The following WWOX variants were observed in gnomAD, a reference collection of about 807,000 sequenced individuals.
The protein encoded by WWOX is WW domain-containing oxidoreductase.
In WWOX, 69 loss-of-function variants were observed where a neutral mutation model predicts 46.2. The observed-to-expected ratio is 1.49, with a 90% CI of 1.23 to 1.82. The LOEUF is 1.82. WWOX is among the 40% of genes most tolerant of loss of function. WWOX has a pLI of 0.00. For missense variants in WWOX, 919 were observed against 542.6 expected, an observed-to-expected ratio of 1.69 and a Z score of -6.89; for synonymous variants, 359 against 202.6, an observed-to-expected ratio of 1.77 and a Z score of -6.56.
chr16:78,379,352 C>A (rs1567536745), intron 5 of WWOX, among the ~76,000 whole-genome samples: 1 of 152,164 alleles, frequency 6.6e-6, no homozygotes, highest in Admixed American at 6.5e-5. Flanking sequence ...CTTCTCTCTG[C>A]AGTTGCACAT....
intron 8 of WWOX, among the ~76,000 whole-genome samples, chr16:78,710,653 C>G (rs2048425836): frequency 6.6e-6 from 1 of 150,398 alleles, no homozygotes; most frequent in South Asian, 2.1e-4. Flanking sequence ...CTTGCTCTGT[C>G]ACTCAGGCTG....
chr16:78,669,716 G>T (rs1034696065), intron 8 of WWOX, among the ~76,000 whole-genome samples: 7 of 152,136 alleles, frequency 4.6e-5, no homozygotes, highest in African/African-American at 1.4e-4. Context: ...CAGTTCATTG[G>T]ATAATTGCCT....
intron 8 of WWOX, among the ~76,000 whole-genome samples, chr16:78,565,415 C>G (rs955344928): frequency 1.3e-5 from 2 of 152,182 alleles, no homozygotes; most frequent in South Asian, 4.1e-4. Context: ...TTCCTTGGCT[C>G]TTGGCCCCTT....
At chr16:78,193,041 C>G (rs1870477966) in intron 5 of WWOX, among the ~76,000 whole-genome samples, 1 of 152,204 alleles carries the variant, frequency 6.6e-6, no homozygotes, top group African/African-American at 2.4e-5. Flanking sequence ...CTGGGCTCAG[C>G]TTCTCACAGC....
chr16:79,122,872 G>C (rs935868443), intron 8 of WWOX, among the ~76,000 whole-genome samples: 1 of 152,192 alleles, frequency 6.6e-6, no homozygotes, highest in South Asian at 2.1e-4. Flanking sequence ...ACTGAGGGCT[G>C]TTGTACTGAG....
intron 8 of WWOX, among the ~76,000 whole-genome samples, chr16:78,790,924 T>TG (rs2050580781): frequency 7.3e-6 from 1 of 136,172 alleles, no homozygotes; most frequent in Non-Finnish European, 1.5e-5. Context: ...GAGGCTGAGG[T>TG]GGGAGGATCA....
intron 8 of WWOX, among the ~76,000 whole-genome samples, chr16:78,480,344 C>T (rs746737961): frequency 1.2e-4 from 18 of 152,156 alleles, no homozygotes; most frequent in Non-Finnish European, 2.4e-4. Context: ...ACTTGGGTTC[C>T]GAGAGGAAAC....
At chr16:78,210,902 A>G (rs2036539458) in intron 5 of WWOX, among the ~76,000 whole-genome samples, 1 of 152,246 alleles carries the variant, frequency 6.6e-6, no homozygotes. Flanking sequence ...CAAATTTAGT[A>G]TATTTATAGT....
At chr16:78,783,327 G>A (rs985951065) in intron 8 of WWOX, among the ~76,000 whole-genome samples, 24 of 152,366 alleles carry the variant, frequency 1.6e-4, no homozygotes, top group Admixed American at 1.2e-3. Flanking sequence ...GCCATGGCCA[G>A]TGGAGACAGG....
At chr16:78,717,509 C>G (rs1325992354) in intron 8 of WWOX, among the ~76,000 whole-genome samples, 1 of 152,128 alleles carries the variant, frequency 6.6e-6, no homozygotes, top group African/African-American at 2.4e-5. Flanking sequence ...AGTATATGAA[C>G]TGTTGGAAGG....
At chr16:78,250,296 T>A (rs553097007) in intron 5 of WWOX, among the ~76,000 whole-genome samples, 1 of 152,336 alleles carries the variant, frequency 6.6e-6, no homozygotes, top group African/African-American at 2.4e-5. Context: ...TGGAGCTGGA[T>A]GGCCGGGGTT....
chr16:78,272,336 A>C (rs1043069285), intron 5 of WWOX, among the ~76,000 whole-genome samples: 1 of 152,168 alleles, frequency 6.6e-6, no homozygotes, highest in African/African-American at 2.4e-5. Context: ...AGAGCCCTAC[A>C]CATGGCCTTT....
At chr16:78,182,964 A>C (rs978901325) in intron 5 of WWOX, among the ~76,000 whole-genome samples, 1 of 145,780 alleles carries the variant, frequency 6.9e-6, no homozygotes, top group African/African-American at 2.6e-5. Flanking sequence ...AAAAAAAAAA[A>C]AAAGAAAGAA....
At chr16:78,506,021 C>A (rs1339204292) in intron 8 of WWOX, among the ~76,000 whole-genome samples, 1 of 152,228 alleles carries the variant, frequency 6.6e-6, no homozygotes, top group Non-Finnish European at 1.5e-5. Context: ...TCAGCCCCTT[C>A]CCGACCCTTG....
chr16:79,110,801 G>A (rs1172735929), intron 8 of WWOX: 2 of 152,186 alleles, frequency 1.3e-5, no homozygotes, highest in Non-Finnish European at 2.9e-5. Context: ...TTGAATCCCA[G>A]CTCTGCCTTT....
chr16:78,869,562 A>G (rs914489807), intron 8 of WWOX, among the ~76,000 whole-genome samples: 5 of 152,216 alleles, frequency 3.3e-5, no homozygotes, highest in Non-Finnish European at 7.3e-5. Flanking sequence ...GAAACAGCCG[A>G]TTGAAGTGCT....
intron 5 of WWOX, among the ~76,000 whole-genome samples, chr16:78,229,872 T>G (rs1214190523): frequency 2.0e-5 from 3 of 152,098 alleles, no homozygotes; most frequent in African/African-American, 7.2e-5. Context: ...TGTGTATAGT[T>G]CAACATCTTT....
intron 8 of WWOX, among the ~76,000 whole-genome samples, chr16:78,522,035 T>G (rs1319855999): frequency 1.3e-5 from 2 of 152,066 alleles, no homozygotes; most frequent in African/African-American, 2.4e-5. Flanking sequence ...TGAATCACTT[T>G]GTAGTAAGTG....
intron 8 of WWOX, among the ~76,000 whole-genome samples, chr16:78,740,019 C>G (rs989797758): frequency 1.3e-5 from 2 of 152,066 alleles, no homozygotes; most frequent in Non-Finnish European, 2.9e-5. Flanking sequence ...CTGTGGTGTG[C>G]CTCCTGCTGT....
Sources: gnomAD v4.1 joint callset for allele counts (sites outside exome capture counted in the v4.1 genomes callset) on GRCh38, gnomAD v4.1.1 for gene constraint, MANE v1.5 for transcripts, NCBI Gene and HGNC (gene_info 2026-07-23, HGNC 2026-07-21) for gene names.